SLC8A2: variants seen among roughly 807,000 people sequenced by gnomAD.
The protein encoded by SLC8A2 is solute carrier family 8 member A2.
Under a neutral mutation model 70.2 loss-of-function variants are expected in SLC8A2, and 14 were observed. The ratio of observed to expected loss-of-function variants is 0.20; its 90% CI spans 0.13 to 0.31. The LOEUF (loss-of-function observed/expected upper bound fraction) is 0.31. SLC8A2 is among the 10% of genes least tolerant of loss of function. The pLI, the probability that SLC8A2 is intolerant of heterozygous loss-of-function variation, is 1.00. For missense variants in SLC8A2, 779 were observed against 1,320.1 expected, an observed-to-expected ratio of 0.59 and a Z score of 6.35; for synonymous variants, 575 against 594.3, an observed-to-expected ratio of 0.97 and a Z score of 0.47.
chr19:47,448,927 G>A lies in SLC8A2; in HGVS notation c.1341-696C>T, dbSNP rs923482692. Among the ~76,000 whole-genome samples, 3 of 152,146 alleles carry A rather than the reference G, an allele frequency of 2.0e-5. No homozygotes were observed. Among genetic ancestry groups the A allele is most frequent in the African/African-American group, 7.2e-5 (3 of 41,424 alleles). ...TGTGCCTTGTGCCGAGTGGTGCTGGGGACACAGCAGTAACCAGGCCCTGTC... is the reference window on the plus strand; with the variant it reads ...TGTGCCTTGTGCCGAGTGGTGCTGGAGACACAGCAGTAACCAGGCCCTGTC... On this transcript the variant is annotated intron_variant, in intron 3 of 9. Transcript: ENST00000236877. This position sits in a 1 kb window ranked among gnomAD's most constrained non-coding sequence, Gnocchi z 4.8.
chr19:47,454,253 G>A (rs1387515836), intron 3 of SLC8A2, among the ~76,000 whole-genome samples: 1 of 152,192 alleles, frequency 6.6e-6, no homozygotes, highest in Non-Finnish European at 1.5e-5. Flanking sequence ...CAAAGCCTCA[G>A]GGCTCTAGAT....
intron 1 of SLC8A2, among the ~76,000 whole-genome samples, chr19:47,469,115 T>TGC (rs1555751481): frequency 0.015 from 1,822 of 117,818 alleles, 29 homozygotes; most frequent in African/African-American, 0.057. Flanking sequence ...AGCATGCCTG[T>TGC]GTGCGTGTGT....
Position 47,448,002 on chromosome 19 carries a change from T to C in SLC8A2, c.1570A>G (p.Ile524Val). Reference sequence around the variant, plus strand: ...AGCAGGCGGTCCTGGAAGGAGAAGATGCCTGCGTGGTCGTCGTCCAGGATG... The same window carrying C: ...AGCAGGCGGTCCTGGAAGGAGAAGACGCCTGCGTGGTCGTCGTCCAGGATG... ...VTILDDDHAG[I>V]FSFQDRLLHV... is the part of the protein sequence containing the mutation. The change falls in exon 4 of 10, where the codon ATC becomes GTC. Residue 524 changes from isoleucine to valine, a missense_variant. Ile to Val is a conservative substitution (Grantham distance 29). Around this residue, in one of 6 missense-constraint regions of SLC8A2, gnomAD observed 247 missense variants for 362.8 expected, o/e 0.68. Coordinates refer to ENST00000236877, the MANE Select transcript of SLC8A2 (RefSeq NM_015063.3). This position sits in a 1 kb window ranked among gnomAD's most constrained non-coding sequence, Gnocchi z 4.8. 6.4e-7 allele frequency: 1 copy of C among 1,562,294 alleles called. No homozygotes were observed. Among genetic ancestry groups the C allele is most frequent in the Non-Finnish European group, 8.7e-7 (1 of 1,153,132 alleles).
At chr19:47,445,853 A>T (rs540907232) in intron 4 of SLC8A2, among the ~76,000 whole-genome samples, 4 of 152,312 alleles carry the variant, frequency 2.6e-5, no homozygotes, top group African/African-American at 9.6e-5. Flanking sequence ...GGTGTGAGAG[A>T]GGGGTCTGGG....
chr19:47,457,792 T>C (rs1324793748), intron 2 of SLC8A2, among the ~76,000 whole-genome samples, 198 bp from the exon 3 acceptor site: 2 of 111,196 alleles, frequency 1.8e-5, no homozygotes, highest in Admixed American at 9.5e-5. Context: ...TTTTCTTTTC[T>C]TTTCTCTTCC....
At chr19:47,461,531 T>C (rs1967395209) in intron 2 of SLC8A2, among the ~76,000 whole-genome samples, 1 of 151,960 alleles carries the variant, frequency 6.6e-6, no homozygotes. Context: ...GCCCCCAGAG[T>C]ATCTTAAAAA....
chr19:47,448,221 G>C lies in SLC8A2; in HGVS notation c.1351C>G (p.Leu451Val), dbSNP rs1324736637. ...GSDYEYSEGT[L>V]VFKPGETQKE... ...TGCGTCTCGCCTGGTTTGAACACCAGCGTGCCCTCGCTGCGGCGGGGTGGG... is the reference window on the plus strand; with the variant it reads ...TGCGTCTCGCCTGGTTTGAACACCACCGTGCCCTCGCTGCGGCGGGGTGGG... Residue 451 changes from leucine (L) to valine (V), a missense_variant, in exon 4 of 10, where the codon CTG becomes GTG. Physicochemically the swap from Leu to Val is conservative, Grantham distance 32. Coordinates refer to ENST00000236877, the MANE Select transcript of SLC8A2 (RefSeq NM_015063.3). The surrounding 1 kb of genome is among the most constrained non-coding windows in gnomAD (Gnocchi z 4.8). 6.3e-7 allele frequency: 1 copy of C among 1,594,400 alleles called. No homozygotes were observed. The highest frequency in any genetic ancestry group is 8.6e-7 in the Non-Finnish European group (1 of 1,166,870).
chr19:47,436,526 T>A (rs1335822100), intron 8 of SLC8A2, among the ~76,000 whole-genome samples: 1 of 152,186 alleles, frequency 6.6e-6, no homozygotes, highest in African/African-American at 2.4e-5. Flanking sequence ...TATTTTCCCA[T>A]CCCCTTAAGC....
intron 1 of SLC8A2, among the ~76,000 whole-genome samples, chr19:47,471,492 T>G (rs1599863475): frequency 8.8e-5 from 10 of 113,694 alleles, no homozygotes; most frequent in East Asian, 2.5e-4. Flanking sequence ...GGGGCAGAGG[T>G]AGAGAGCGCG....
chr19:47,470,345 TCATACACACACACACACACAC>T (rs1205883151), intron 1 of SLC8A2, among the ~76,000 whole-genome samples: 3 of 109,244 alleles, frequency 2.7e-5, no homozygotes, highest in African/African-American at 9.0e-5. Context: ...CAGGGAGACA[TCATACACACACACACACACAC>T]ACACACACAC....
At position 47,430,478 on chromosome 19, in the gene SLC8A2, G is replaced by C; in HGVS notation, c.2390-13C>G. ...CTGGCGAACGTGTCTGCGAGGCAGAGACATACAGGTCGGAGGGGCTTTGCG... is the reference window on the plus strand; with the variant it reads ...CTGGCGAACGTGTCTGCGAGGCAGACACATACAGGTCGGAGGGGCTTTGCG... On this transcript the variant is annotated splice_polypyrimidine_tract_variant and intron_variant, in intron 9 of 9. Transcript: ENST00000236877. The surrounding 1 kb of genome is among the most constrained non-coding windows in gnomAD (Gnocchi z 5.9). 1.3e-6 allele frequency: 2 copies of C among 1,587,728 alleles called. No homozygotes were observed. Among genetic ancestry groups the C allele is most frequent in the Non-Finnish European group, 1.7e-6 (2 of 1,169,884 alleles).
At chr19:47,443,624 C>T (rs959016967) in intron 4 of SLC8A2, among the ~76,000 whole-genome samples, 4 of 152,230 alleles carry the variant, frequency 2.6e-5, no homozygotes, top group Non-Finnish European at 4.4e-5. Context: ...ACAGCCTTGG[C>T]GACATCGCCA....
At chr19:47,442,116 T>A (rs189925379) in intron 4 of SLC8A2, among the ~76,000 whole-genome samples, 43 of 151,774 alleles carry the variant, frequency 2.8e-4, no homozygotes, top group Admixed American at 5.3e-4. Flanking sequence ...ATAATAATAA[T>A]AAAAAAATAA....
rs1275457217 is a variant in SLC8A2, at chr19:47,441,429, T to C, written c.1775A>G (p.Gln592Arg). Reference sequence around the variant, plus strand: ...TTCCTCGTCATCAACTATCTTCACCTGAAGAGTTTTCCTGTGCAGGGGGTA... The same window carrying C: ...TTCCTCGTCATCAACTATCTTCACCCGAAGAGTTTTCCTGTGCAGGGGGTA... ...FGDDETMKTL[Q>R]VKIVDDEEYE... Residue 592 changes from glutamine (Q) to arginine (R), a missense_variant, in exon 5 of 10, where the codon CAG (glutamine) becomes CGG (arginine). Coordinates refer to ENST00000236877, the MANE Select transcript of SLC8A2 (RefSeq NM_015063.3). The C allele has an allele frequency of 1.2e-6, 2 of 1,610,422 alleles. No homozygotes were observed. The highest frequency in any genetic ancestry group is 2.2e-5 in the South Asian group (2 of 90,796).
intron 8 of SLC8A2, among the ~76,000 whole-genome samples, chr19:47,436,874 C>T (rs1272341721): frequency 6.6e-6 from 1 of 152,102 alleles, no homozygotes; most frequent in Non-Finnish European, 1.5e-5. Flanking sequence ...GGAAAGAGCT[C>T]GGTGCCCTGG....
chr19:47,435,830 G>A (rs1047985308), intron 8 of SLC8A2, among the ~76,000 whole-genome samples: 3 of 152,064 alleles, frequency 2.0e-5, no homozygotes, highest in African/African-American at 4.8e-5. Flanking sequence ...TTACAGGCGT[G>A]AGCCACCGCA....
chr19:47,445,412 A>G (rs1337450632), intron 4 of SLC8A2, among the ~76,000 whole-genome samples: 1 of 151,862 alleles, frequency 6.6e-6, no homozygotes, highest in Non-Finnish European at 1.5e-5. Context: ...CCCGACCTCT[A>G]AGTTCCTGTC....
Position 47,457,117 on chromosome 19 carries a change from C to T in SLC8A2, c.1153G>A (p.Ala385Thr), listed in dbSNP as rs890988836. ...GCGCCGTCGTCTTCGTCCTCGCCCG[C>T]GCCCTCGGCCGGCGCCGCCCTGCGC... ...ASRRAAPAEGAGEDEDDGASR... is the reference protein window; with the variant it reads ...ASRRAAPAEGTGEDEDDGASR... Residue 385 changes from alanine (A) to threonine (T), a missense_variant, in exon 3 of 10, where the codon GCG becomes ACG. Coordinates refer to ENST00000236877, the MANE Select transcript of SLC8A2 (RefSeq NM_015063.3). The T allele has an allele frequency of 7.8e-6, 12 of 1,548,344 alleles. No individual in the cohort carries two copies. The highest frequency in any genetic ancestry group is 1.8e-4 in the Middle Eastern group (1 of 5,698).
chr19:47,453,441 A>T (rs1231327428), intron 3 of SLC8A2, among the ~76,000 whole-genome samples: 1 of 152,220 alleles, frequency 6.6e-6, no homozygotes, highest in East Asian at 1.9e-4. Context: ...CTCGGAGTGG[A>T]ACCCAAGTCT....
Sources: allele counts gnomAD v4.1 joint callset (sites outside exome capture counted in the v4.1 genomes callset), GRCh38; gene constraint gnomAD v4.1.1; regional missense constraint gnomAD v4.1.1; non-coding constraint Gnocchi (gnomAD v3.1); transcripts MANE v1.5; gene names NCBI Gene and HGNC (gene_info 2026-07-23, HGNC 2026-07-21).